Variants in INPP5A observed in about 807,000 individuals in gnomAD.
The protein encoded by INPP5A is inositol polyphosphate-5-phosphatase A, also known as 43 kDa inositol polyphosphate 5-phophatase.
A neutral mutation model predicts 65.2 loss-of-function variants in INPP5A; 14 were observed. The observed-to-expected ratio is 0.21, with a 90% CI of 0.14 to 0.34. The LOEUF (loss-of-function observed/expected upper bound fraction) is 0.34. Among genes scored for constraint, INPP5A ranks in the 10% least tolerant of loss-of-function variants. The pLI, the probability that INPP5A is intolerant of heterozygous loss-of-function variation, is 1.00. For synonymous variants in INPP5A, 207 were observed against 208.3 expected (o/e 0.99, Z 0.05); for missense variants, 431 against 545.6 (o/e 0.79, Z 2.09).
At chr10:132,621,409 G>C (rs573975713) in intron 2 of INPP5A, among the ~76,000 whole-genome samples, 1 of 152,158 alleles carries the variant, frequency 6.6e-6, no homozygotes, top group South Asian at 2.1e-4. Flanking sequence ...TGCCTAAGGC[G>C]ATTGGGGCAC....
chr10:132,542,876 T>C (rs1696607461), intron 1 of INPP5A, among the ~76,000 whole-genome samples: 1 of 152,238 alleles, frequency 6.6e-6, no homozygotes, highest in Admixed American at 6.5e-5. Flanking sequence ...CACTGTAGCC[T>C]TGAACTCCTG....
chr10:132,660,557 G>A (rs1367202888), intron 4 of INPP5A, among the ~76,000 whole-genome samples: 2 of 152,220 alleles, frequency 1.3e-5, no homozygotes, highest in Admixed American at 6.5e-5. Context: ...TTGTGATCTG[G>A]TGCGGTGAGG....
chr10:132,628,472 G>A (rs868009303), intron 2 of INPP5A, among the ~76,000 whole-genome samples: 3 of 150,340 alleles, frequency 2.0e-5, no homozygotes, highest in African/African-American at 7.3e-5. Context: ...GCGGGGGGGG[G>A]GGGGGGCGTG....
At position 132,550,093 on chromosome 10, in the gene INPP5A, C is replaced by T. The variant is rs548877392; in HGVS notation, c.75+11922C>T. 6.7e-6 allele frequency among the ~76,000 whole-genome samples: 1 copy of T among 150,190 alleles called. No homozygotes were observed. The highest frequency in any genetic ancestry group is 1.5e-5 in the Non-Finnish European group (1 of 67,640). On this transcript the variant is annotated intron_variant, in intron 1 of 15. Coordinates refer to ENST00000368594, the MANE Select transcript of INPP5A (RefSeq NM_005539.5). This position sits in a 1 kb window ranked among gnomAD's most constrained non-coding sequence, Gnocchi z 4.2. ...GGGCATTAGGGGATGGGGTCAGCCT[C>T]GAGTTACTAACCGGGCATTAGGGGA...
At chr10:132,566,918 A>G (rs2071281235) in intron 1 of INPP5A, among the ~76,000 whole-genome samples, 1 of 152,264 alleles carries the variant, frequency 6.6e-6, no homozygotes, top group South Asian at 2.1e-4. Flanking sequence ...GTGCATCTGG[A>G]AAACACAAGA....
At chr10:132,541,149 G>A (rs1383982039) in intron 1 of INPP5A, among the ~76,000 whole-genome samples, 1 of 152,132 alleles carries the variant, frequency 6.6e-6, no homozygotes, top group Non-Finnish European at 1.5e-5. Context: ...ACCATGCCTA[G>A]CTAATTTTTG....
At chr10:132,773,340 C>G (rs563253548) in intron 12 of INPP5A, among the ~76,000 whole-genome samples, 2 of 152,288 alleles carry the variant, frequency 1.3e-5, no homozygotes, top group East Asian at 1.9e-4. Flanking sequence ...TTTCATTGAA[C>G]AATTACTGAG....
chr10:132,757,380 T>C (rs773974452), intron 11 of INPP5A, among the ~76,000 whole-genome samples: 34 of 152,252 alleles, frequency 2.2e-4, no homozygotes, highest in Non-Finnish European at 4.1e-4. Flanking sequence ...ACCTTGTTTT[T>C]ACTGTTCCCT....
chr10:132,639,522 T>A (rs551266480), intron 2 of INPP5A, among the ~76,000 whole-genome samples: 1 of 152,374 alleles, frequency 6.6e-6, no homozygotes, highest in Non-Finnish European at 1.5e-5. Flanking sequence ...GGCACAGATA[T>A]GCCTAGATAG....
intron 4 of INPP5A, among the ~76,000 whole-genome samples, chr10:132,654,993 T>TGGCTCAC (rs1447496126): frequency 1.3e-5 from 2 of 152,236 alleles, no homozygotes; most frequent in Non-Finnish European, 2.9e-5. Flanking sequence ...CTGGGCGCGG[T>TGGCTCAC]GGCTCACGCC....
intron 4 of INPP5A, among the ~76,000 whole-genome samples, chr10:132,673,316 T>C: frequency 6.6e-6 from 1 of 152,182 alleles, no homozygotes; most frequent in African/African-American, 2.4e-5. Flanking sequence ...AGCAAAACTT[T>C]TGCTAGTGGA....
At chr10:132,554,546 C>T (rs1169324220) in intron 1 of INPP5A, among the ~76,000 whole-genome samples, 1 of 151,926 alleles carries the variant, frequency 6.6e-6, no homozygotes, top group Admixed American at 6.6e-5. Flanking sequence ...ATGTGGGTGG[C>T]ATGGGTGTTG....
chr10:132,689,072 G>A (rs1026487502), intron 4 of INPP5A, among the ~76,000 whole-genome samples: 3 of 152,234 alleles, frequency 2.0e-5, no homozygotes, highest in African/African-American at 7.2e-5. Context: ...GTGTGTACAT[G>A]AATGTGCAAG....
At chr10:132,539,623 C>G (rs1406049562) in intron 1 of INPP5A, among the ~76,000 whole-genome samples, 1 of 152,104 alleles carries the variant, frequency 6.6e-6, no homozygotes, top group African/African-American at 2.4e-5. Context: ...GCTGCCAACC[C>G]AAATAAAGCA....
At chr10:132,570,384 T>C (rs2071326372) in intron 1 of INPP5A, among the ~76,000 whole-genome samples, 1 of 152,234 alleles carries the variant, frequency 6.6e-6, no homozygotes, top group African/African-American at 2.4e-5. Context: ...GTTTCATCTC[T>C]GGCCCTGGGA....
At chr10:132,720,199 T>C (rs1484815331) in intron 8 of INPP5A, among the ~76,000 whole-genome samples, 8 of 126,500 alleles carry the variant, frequency 6.3e-5, no homozygotes, top group Admixed American at 2.4e-4. Flanking sequence ...GGCTGTCTTG[T>C]GGGTTCTGTG....
Position 132,676,925 on chromosome 10 carries a change from G to A in INPP5A, c.307-13467G>A, listed in dbSNP as rs77051693. ...GCCCATCCACATGGTGACCCCCACC[G>A]TCACCCAGGCATCTGTCCTCAACTG... is the stretch of plus-strand genomic sequence containing the variant. On this transcript the variant is annotated intron_variant, in intron 4 of 15. Transcript: ENST00000368594. The surrounding 1 kb of genome is among the most constrained non-coding windows in gnomAD (Gnocchi z 4.0). 1.0e-4 allele frequency among the ~76,000 whole-genome samples: 15 copies of A among 150,110 alleles called. No homozygotes were observed. The highest frequency in any genetic ancestry group is 3.9e-4 in the East Asian group (2 of 5,094).
chr10:132,774,256 G>A (rs1847005734), intron 12 of INPP5A, among the ~76,000 whole-genome samples: 1 of 152,212 alleles, frequency 6.6e-6, no homozygotes, highest in Non-Finnish European at 1.5e-5. Flanking sequence ...AGGCTGCACG[G>A]GAAGGCAGAG....
chr10:132,724,709 G>T (rs1308668841), intron 8 of INPP5A, among the ~76,000 whole-genome samples: 1 of 149,170 alleles, frequency 6.7e-6, no homozygotes. Flanking sequence ...CGCAGATGGG[G>T]GTTACTCACT....
Sources: allele counts gnomAD v4.1 joint callset (sites outside exome capture counted in the v4.1 genomes callset), GRCh38; gene constraint gnomAD v4.1.1; non-coding constraint Gnocchi (gnomAD v3.1); transcripts MANE v1.5; gene names NCBI Gene and HGNC (gene_info 2026-07-23, HGNC 2026-07-21).